The following HSPA12B variants were observed in gnomAD, a reference collection of about 807,000 sequenced individuals.
HSPA12B encodes the protein heat shock protein family A (Hsp70) member 12B, also known as heat shock 70 kDa protein 12B.
HSPA12B carries 54 observed loss-of-function variants against 69.3 expected under a neutral mutation model. The ratio of observed to expected loss-of-function variants is 0.78; its 90% CI spans 0.63 to 0.98. The LOEUF is 0.98. HSPA12B is among the 50% of genes least tolerant of loss of function. The pLI, the probability that HSPA12B is intolerant of heterozygous loss-of-function variation, is 0.00. For synonymous variants in HSPA12B, 441 were observed against 436.5 expected, an observed-to-expected ratio of 1.01 and a Z score of -0.13; for missense variants, 929 against 999.8, an observed-to-expected ratio of 0.93 and a Z score of 0.96.
intron 1 of HSPA12B, among the ~76,000 whole-genome samples, chr20:3,734,122 C>G (rs148479471): frequency 2.0e-5 from 3 of 152,174 alleles, no homozygotes; most frequent in Non-Finnish European, 2.9e-5. Flanking sequence ...GAGCCGTGAT[C>G]GTGCCACTGC....
Position 3,745,659 on chromosome 20 carries a change from A to T in HSPA12B, c.558+62A>T. 1 of 1,452,952 alleles carries T rather than the reference A, an allele frequency of 6.9e-7. No homozygotes were observed. The highest frequency in any genetic ancestry group is 1.1e-5 in the South Asian group (1 of 87,570). The allele number at this position is 1,452,952 out of a possible 1,614,324, so 90.0% of individuals were successfully genotyped here. On this transcript the variant is annotated intron_variant, in intron 6 of 12. Coordinates refer to ENST00000254963, the MANE Select transcript of HSPA12B (RefSeq NM_052970.5). The surrounding 1 kb of genome is among the most constrained non-coding windows in gnomAD (Gnocchi z 5.6). Reference sequence around the variant, plus strand: ...GACCCCCTATTTTCCCCTCATCCGAAACCGCTCCCCCATCCCGTCCCCGAC... The same window carrying T: ...GACCCCCTATTTTCCCCTCATCCGATACCGCTCCCCCATCCCGTCCCCGAC...
chr20:3,734,542 C>T (rs1237502372), intron 1 of HSPA12B, among the ~76,000 whole-genome samples: 4 of 152,152 alleles, frequency 2.6e-5, no homozygotes, highest in Admixed American at 1.3e-4. Context: ...GCCCCTGAAG[C>T]GGGGCTCAGC....
Position 3,745,656 on chromosome 20 carries a change from C to T in HSPA12B, c.558+59C>T. 6.8e-7 allele frequency: 1 copy of T among 1,463,918 alleles called. No homozygotes were observed. The highest frequency in any genetic ancestry group is 2.3e-5 in the East Asian group (1 of 43,922). 90.7% of individuals were successfully genotyped at this position (1,463,918 alleles called of 1,614,324 possible). On this transcript the variant is annotated intron_variant, in intron 6 of 12. Transcript: ENST00000254963. This position sits in a 1 kb window ranked among gnomAD's most constrained non-coding sequence, Gnocchi z 5.6. ...AGGGACCCCCTATTTTCCCCTCATC[C>T]GAAACCGCTCCCCCATCCCGTCCCC...
At chr20:3,742,713 T>C (rs1386157218) in intron 4 of HSPA12B, among the ~76,000 whole-genome samples, 2 of 151,904 alleles carry the variant, frequency 1.3e-5, no homozygotes, top group African/African-American at 4.8e-5. Context: ...TTTTTTTTTT[T>C]TTGAGGCGGA....
At position 3,752,128 on chromosome 20, in the gene HSPA12B, C is replaced by A. The variant is rs565661733; in HGVS notation, c.2023C>A (p.Arg675Ser). ...CACCGCCGTCGACGTCAGCACCAAT[C>A]GCTCCGTGCGCGCGTCCATCGACTT... ...KVTAVDVSTN[R>S]SVRASIDFLS... The change falls in exon 13 of 13, where the codon CGC (arginine) becomes AGC (serine). Residue 675 changes from arginine to serine, a missense_variant. Transcript: ENST00000254963. 2.5e-5 allele frequency: 37 copies of A among 1,482,236 alleles called. No individual in the cohort carries two copies. Among genetic ancestry groups the A allele is most frequent in the Non-Finnish European group, 2.8e-5 (31 of 1,123,850 alleles). 91.8% of individuals were successfully genotyped at this position (1,482,236 alleles called of 1,614,324 possible).
rs11470713 is a variant in HSPA12B, at chr20:3,737,057, AAAATAAATAAAT to A, written c.-17-1563_-17-1552del. Among the ~76,000 whole-genome samples the A allele has an allele frequency of 0.042, 6,083 of 146,270 alleles. 336 individuals are homozygous for A. Among genetic ancestry groups the A allele is most frequent in the African/African-American group, 0.12 (4,563 of 39,122 alleles). The stretch of plus-strand genomic sequence containing the variant: ...GGGGACAGAGTGAGACTCTGCCTCA[AAAATAAATAAAT>A]AAATAAATAAATAAATAAATAAATA... On this transcript the variant is annotated intron_variant, in intron 1 of 12. Coordinates refer to ENST00000254963, the MANE Select transcript of HSPA12B (RefSeq NM_052970.5). The surrounding 1 kb of genome is among the most constrained non-coding windows in gnomAD (Gnocchi z 4.1).
At position 3,751,542 on chromosome 20, in the gene HSPA12B, T is replaced by C. The variant is rs1349935529; in HGVS notation, c.1437T>C (p.Gly479=). 1 of 1,480,356 alleles carries C rather than the reference T, an allele frequency of 6.8e-7. No individual in the cohort carries two copies. Among genetic ancestry groups the C allele is most frequent in the Non-Finnish European group, 9.0e-7 (1 of 1,116,790 alleles). The allele number at this position is 1,480,356 out of a possible 1,614,324, so 91.7% of individuals were successfully genotyped here. A position where few individuals can be genotyped will look rare whatever the true frequency, so the allele number is the denominator to read the frequency against. Residue 479 remains glycine, a synonymous_variant, in exon 13 of 13, where the codon GGT becomes GGC. Transcript: ENST00000254963. ...TGCTGGCACGGCCGGAGGTGCAGGG[T>C]GTGAAGCTGCTGTTCCTAGTGGGCG... ...EALLARPEVQ[G]VKLLFLVGGF...
chr20:3,732,965 G>A (rs1568469490), intron 1 of HSPA12B, among the ~76,000 whole-genome samples, 171 bp downstream of exon 1: 1 of 152,224 alleles, frequency 6.6e-6, no homozygotes, highest in Non-Finnish European at 1.5e-5. Context: ...AAGGCACTTG[G>A]GGCAGCGACC....
chr20:3,751,898 G>T lies in HSPA12B; in HGVS notation c.1793G>T (p.Arg598Leu). 6.4e-7 allele frequency: 1 copy of T among 1,571,756 alleles called. No individual in the cohort carries two copies. The highest frequency in any genetic ancestry group is 8.6e-7 in the Non-Finnish European group (1 of 1,164,460). Residue 598 changes from arginine to leucine, a missense_variant, in exon 13 of 13, where the codon CGT becomes CTT. By Grantham distance (102) the Arg-to-Leu change is moderately radical. Coordinates refer to ENST00000254963, the MANE Select transcript of HSPA12B (RefSeq NM_052970.5). ...EEVRRSYCPA[R>L]PGQRRVLINL... ...GTGCGGCGCAGCTACTGCCCGGCGC[G>T]TCCCGGCCAGCGGCGCGTACTCATC...
rs1458947809 is a variant in HSPA12B, at chr20:3,749,286, G to A, written c.905G>A (p.Gly302Asp). Residue 302 changes from glycine (G) to aspartate (D), a missense_variant, in exon 9 of 13, where the codon GGC (glycine) becomes GAC (aspartate). Around this residue, in one of 3 missense-constraint regions of HSPA12B, gnomAD observed 477 missense variants for 535.2 expected, o/e 0.89. Coordinates refer to ENST00000254963, the MANE Select transcript of HSPA12B (RefSeq NM_052970.5). This position sits in a 1 kb window ranked among gnomAD's most constrained non-coding sequence, Gnocchi z 5.5. ...RHSRTFLVES[G>D]VGELWAEMQA... ...AGCCGCACGTTCCTGGTGGAGTCAG[G>A]CGTAGGAGAGCTGTGGGCAGAGATG... 2.5e-6 allele frequency: 4 copies of A among 1,613,670 alleles called. No homozygotes were observed. Among genetic ancestry groups the A allele is most frequent in the Non-Finnish European group, 2.5e-6 (3 of 1,179,926 alleles).
rs1293258262 is a variant in HSPA12B, at chr20:3,744,508, A to ACTT, written c.267-391_267-389dup. On this transcript the variant is annotated intron_variant, in intron 4 of 12. Coordinates refer to ENST00000254963, the MANE Select transcript of HSPA12B (RefSeq NM_052970.5). This position sits in a 1 kb window ranked among gnomAD's most constrained non-coding sequence, Gnocchi z 4.9. Reference sequence around the variant, plus strand: ...CCTAACATCTCTAGAATACCCATCTACTTCTCTCCATGGCCACTGATCGTG... The same window carrying ACTT: ...CCTAACATCTCTAGAATACCCATCTACTTCTTCTCTCCATGGCCACTGATCGTG... 1.3e-5 allele frequency among the ~76,000 whole-genome samples: 2 copies of ACTT among 151,986 alleles called. No homozygotes were observed. The highest frequency in any genetic ancestry group is 4.8e-5 in the African/African-American group (2 of 41,354).
intron 12 of HSPA12B, chr20:3,751,186 T>G: frequency 7.5e-5 from 68 of 909,948 alleles, no homozygotes; most frequent in Non-Finnish European, 8.4e-5. Context: ...AGGGATAAAA[T>G]GAGCTGAAGT....
At position 3,752,315 on chromosome 20, in the gene HSPA12B, G is replaced by A. The variant is rs775422184; in HGVS notation, c.*149G>A. On this transcript the variant is annotated 3_prime_UTR_variant, in exon 13 of 13. Coordinates refer to ENST00000254963, the MANE Select transcript of HSPA12B (RefSeq NM_052970.5). ...CAGCCCCGGGGGAGATAAGGTCATG[G>A]GAGAGTGGGTGGGGACACACCCAGA... The A allele has an allele frequency of 7.2e-4, 548 of 766,080 alleles. 5 individuals are homozygous for A. Among genetic ancestry groups the A allele is most frequent in the Non-Finnish European group, 1.3e-4 (68 of 522,930 alleles). The allele number at this position is 766,080 out of a possible 1,614,324, so 47.5% of individuals were successfully genotyped here.
intron 3 of HSPA12B, 79 bp from the exon 4 acceptor site, chr20:3,742,205 T>A (rs900676494): frequency 3.8e-6 from 6 of 1,566,708 alleles, no homozygotes; most frequent in South Asian, 2.3e-5. Context: ...GTCTTCCCCA[T>A]GCAGAGGAAG....
At chr20:3,750,946 GAACA>G in intron 12 of HSPA12B, 39 bp downstream of exon 12, 3 of 1,533,944 alleles carry the variant, frequency 2.0e-6, no homozygotes, top group Non-Finnish European at 1.8e-6. Flanking sequence ...GCCCCTACAT[GAACA>G]AACAGATGCA....
intron 1 of HSPA12B, 108 bp from the exon 2 acceptor site, chr20:3,738,550 G>C: frequency 2.1e-6 from 2 of 972,732 alleles, no homozygotes; most frequent in Non-Finnish European, 1.6e-6. Context: ...GCTGGGATTT[G>C]CTTCAAAGGA....
intron 4 of HSPA12B, 117 bp downstream of exon 4, chr20:3,742,525 G>A (rs1370083422): frequency 1.3e-6 from 1 of 787,106 alleles, no homozygotes; most frequent in African/African-American, 1.7e-5. Context: ...GCCACCCCCA[G>A]TCTGGGGCTC....
chr20:3,738,440 T>C (rs2088141600), intron 1 of HSPA12B, among the ~76,000 whole-genome samples: 1 of 152,216 alleles, frequency 6.6e-6, no homozygotes, highest in Admixed American at 6.5e-5. Flanking sequence ...TTACTGTTAA[T>C]TTCATTAGAC....
chr20:3,750,863 AC>A lies in HSPA12B; in HGVS notation c.1362del (p.Asn454LysfsTer15), dbSNP rs2088406698. 1 of 1,613,970 alleles carries A rather than the reference AC, an allele frequency of 6.2e-7. No homozygotes were observed. The highest frequency in any genetic ancestry group is 1.3e-5 in the African/African-American group (1 of 75,032). The part of the protein sequence containing the change: ...GMLRMSCEAM[N>X]ELFQPTVSGI... ...CTCCGAATGTCTTGTGAAGCCATGA[AC>A]GAGCTCTTTCAGCCCACCGTCAGCG... On this transcript the variant is annotated frameshift_variant, in exon 12 of 13. Transcript: ENST00000254963. LOFTEE classifies it high-confidence loss of function.
Sources: gnomAD v4.1 joint callset for allele counts (sites outside exome capture counted in the v4.1 genomes callset) on GRCh38, gnomAD v4.1.1 for gene constraint, gnomAD v4.1.1 regional missense constraint, Gnocchi (gnomAD v3.1) non-coding constraint, MANE v1.5 for transcripts, NCBI Gene and HGNC (gene_info 2026-07-23, HGNC 2026-07-21) for gene names.